Variants in SH3D19 observed in about 807,000 individuals in gnomAD.
SH3D19 encodes SH3 domain containing 19.
SH3D19 carries 58 observed loss-of-function variants against 112.1 expected under a neutral mutation model. The ratio of observed to expected loss-of-function variants is 0.52; its 90% CI spans 0.42 to 0.64. The LOEUF (loss-of-function observed/expected upper bound fraction) is 0.64, where lower values mean the gene tolerates loss of function less well. Among genes scored for constraint, SH3D19 ranks in the 30% least tolerant of loss-of-function variants. The pLI is 0.00. For missense variants in SH3D19, 1,090 were observed against 1,263.4 expected (o/e 0.86, Z 2.08); for synonymous variants, 391 against 448.5 (o/e 0.87, Z 1.62).
rs1371259271 is a variant in SH3D19 at position 151,240,248 on chromosome 4, T to C, written c.113-14162A>G. Reference sequence around the variant, plus strand: ...GGCGAGATCTGGTCTTTACAAAAAATAAAAATTAAAATATTAGCCAGGAAC... The same window carrying C: ...GGCGAGATCTGGTCTTTACAAAAAACAAAAATTAAAATATTAGCCAGGAAC... On this transcript the variant is annotated intron_variant, in intron 1 of 19. Coordinates refer to ENST00000604030, the MANE Select transcript of SH3D19 (RefSeq NM_001378122.1). Among the ~76,000 whole-genome samples the C allele has an allele frequency of 1.1e-4, 16 of 148,912 alleles. 1 individual carries two copies. The highest frequency in any genetic ancestry group is 3.8e-4 in the African/African-American group (15 of 39,044).
intron 1 of SH3D19, among the ~76,000 whole-genome samples, chr4:151,249,583 G>A (rs1194875905): frequency 6.6e-6 from 1 of 151,946 alleles, no homozygotes; most frequent in African/African-American, 2.4e-5. Context: ...CACAAACTCA[G>A]AATTAAACTC....
intron 1 of SH3D19, chr4:151,291,076 G>T: frequency 6.9e-7 from 1 of 1,454,816 alleles, no homozygotes; most frequent in Non-Finnish European, 9.4e-7. Flanking sequence ...TCTTCTTTAT[G>T]CCTCTTTTCA....
intron 1 of SH3D19, among the ~76,000 whole-genome samples, chr4:151,320,632 C>T (rs558984969): frequency 2.0e-4 from 30 of 152,134 alleles, no homozygotes; most frequent in African/African-American, 7.0e-4. Flanking sequence ...ATATTTGTAA[C>T]ACACATAACC....
intron 1 of SH3D19, among the ~76,000 whole-genome samples, chr4:151,285,133 T>C (rs72967576): frequency 0.032 from 4,871 of 152,270 alleles, 270 homozygotes; most frequent in African/African-American, 0.11. Flanking sequence ...CTTCCAAGGA[T>C]TGACTCTAGT....
chr4:151,307,196 T>TG (rs1046640726), intron 1 of SH3D19, among the ~76,000 whole-genome samples: 19 of 151,022 alleles, frequency 1.3e-4, no homozygotes, highest in Middle Eastern at 3.4e-3. Flanking sequence ...TTTTTTTTTT[T>TG]TATTTTTAGT....
chr4:151,170,025 A>G (rs1758777174), intron 7 of SH3D19, among the ~76,000 whole-genome samples: 1 of 152,190 alleles, frequency 6.6e-6, no homozygotes, highest in Admixed American at 6.5e-5. Flanking sequence ...TATTATCCTG[A>G]AGAGAAGTCA....
At chr4:151,236,256 GGCT>G (rs1770031537) in intron 1 of SH3D19, among the ~76,000 whole-genome samples, 1 of 152,270 alleles carries the variant, frequency 6.6e-6, no homozygotes, top group Admixed American at 6.5e-5. Flanking sequence ...CGGGAGCCGG[GGCT>G]GCGCCCGGGG....
intron 1 of SH3D19, among the ~76,000 whole-genome samples, chr4:151,298,180 A>ATTT (rs1775829069): frequency 2.6e-5 from 3 of 115,962 alleles, no homozygotes; most frequent in Non-Finnish European, 5.4e-5. Context: ...CAGAATAATA[A>ATTT]ATTTTTTTTT....
chr4:151,274,139 C>T (rs1773419977), intron 1 of SH3D19, among the ~76,000 whole-genome samples: 1 of 152,060 alleles, frequency 6.6e-6, no homozygotes, highest in Admixed American at 6.6e-5. Flanking sequence ...AGATTTTCAT[C>T]CCCATCAAGC....
At chr4:151,311,190 T>G (rs182051035) in intron 1 of SH3D19, among the ~76,000 whole-genome samples, 7 of 151,422 alleles carry the variant, frequency 4.6e-5, no homozygotes, top group Admixed American at 4.6e-4. Context: ...AAGAAGGAAA[T>G]CCAGCCTGGG....
intron 1 of SH3D19, among the ~76,000 whole-genome samples, chr4:151,237,184 C>T (rs113962164): frequency 3.1e-4 from 47 of 152,268 alleles, no homozygotes; most frequent in African/African-American, 1.0e-3. Flanking sequence ...ACTCTGGACA[C>T]GCCGCCTTTA....
chr4:151,219,311 C>T (rs530310020), intron 2 of SH3D19, among the ~76,000 whole-genome samples: 6 of 152,208 alleles, frequency 3.9e-5, no homozygotes, highest in East Asian at 1.9e-4. Context: ...CCTTTATCCC[C>T]GATGTCTCCT....
At chr4:151,323,366 A>G (rs1017888371) in intron 1 of SH3D19, among the ~76,000 whole-genome samples, 1 of 152,222 alleles carries the variant, frequency 6.6e-6, no homozygotes, top group Non-Finnish European at 1.5e-5. Flanking sequence ...GTCAGTTCAT[A>G]CCCTCTCACT....
intron 7 of SH3D19, among the ~76,000 whole-genome samples, chr4:151,170,968 G>T (rs1758932965): frequency 6.6e-6 from 1 of 152,128 alleles, no homozygotes; most frequent in Non-Finnish European, 1.5e-5. Context: ...CCTGTATCTT[G>T]CATTTTTCAC....
At chr4:151,151,663 T>C (rs1755087419) in intron 9 of SH3D19, among the ~76,000 whole-genome samples, 1 of 152,220 alleles carries the variant, frequency 6.6e-6, no homozygotes, top group South Asian at 2.1e-4. Flanking sequence ...GTTCAGTTAA[T>C]GTAGTGAAGC....
At chr4:151,141,368 C>A (rs1463218262) in intron 12 of SH3D19, among the ~76,000 whole-genome samples, 1 of 152,156 alleles carries the variant, frequency 6.6e-6, no homozygotes, top group Admixed American at 6.5e-5. Flanking sequence ...TCAGGTGATC[C>A]ACCCATCTTG....
intron 1 of SH3D19, among the ~76,000 whole-genome samples, chr4:151,231,955 G>A (rs2149957320): frequency 6.6e-6 from 1 of 152,242 alleles, no homozygotes; most frequent in East Asian, 1.9e-4. Context: ...AGGCTGAGGT[G>A]GGCGGATCAC....
At chr4:151,198,359 AATTAT>A (rs907135268) in intron 2 of SH3D19, among the ~76,000 whole-genome samples, 27 of 132,224 alleles carry the variant, frequency 2.0e-4, no homozygotes, top group African/African-American at 6.1e-4. Context: ...TAAAATATAA[AATTAT>A]ATTATATAAA....
chr4:151,149,416 C>A, intron 10 of SH3D19, 84 bp downstream of exon 10: 1 of 1,111,202 alleles, frequency 9.0e-7, no homozygotes, highest in South Asian at 1.4e-5. Context: ...AGATTCAAGG[C>A]CAACAACACT....
Sources: allele counts gnomAD v4.1 joint callset (sites outside exome capture counted in the v4.1 genomes callset), GRCh38; gene constraint gnomAD v4.1.1; transcripts MANE v1.5; gene names NCBI Gene and HGNC (gene_info 2026-07-23, HGNC 2026-07-21).